CSMD1: variants seen among roughly 807,000 people sequenced by gnomAD.
CSMD1 encodes the protein CUB and sushi domain-containing protein 1.
CSMD1 carries 213 observed loss-of-function variants against 417.5 expected under a neutral mutation model. The observed-to-expected ratio is 0.51, with a 90% CI of 0.46 to 0.57. CSMD1 has a LOEUF of 0.57. Among genes scored for constraint, CSMD1 ranks in the 20% least tolerant of loss-of-function variants. The probability of loss-of-function intolerance (pLI) is 0.00; values close to 1 mark genes in which losing one functional copy is unlikely to be tolerated. For missense variants in CSMD1, 6,923 were observed against 4,529.7 expected (o/e 1.53, Z -15.17); for synonymous variants, 2,862 against 1,736.8 (o/e 1.65, Z -16.11).
intron 2 of CSMD1, among the ~76,000 whole-genome samples, chr8:4,594,811 C>A (rs888729897): frequency 6.6e-6 from 1 of 152,086 alleles, no homozygotes; most frequent in Non-Finnish European, 1.5e-5. Flanking sequence ...TCTGATGTTA[C>A]CCCCACCTTA....
chr8:4,710,589 T>G (rs1808223298), intron 1 of CSMD1, among the ~76,000 whole-genome samples: 1 of 151,182 alleles, frequency 6.6e-6, no homozygotes, highest in African/African-American at 2.4e-5. Flanking sequence ...CTCACGCTTG[T>G]GATCCCAGCA....
chr8:4,175,090 A>G (rs555183858), intron 3 of CSMD1, among the ~76,000 whole-genome samples: 35 of 151,986 alleles, frequency 2.3e-4, no homozygotes, highest in African/African-American at 8.5e-4. Flanking sequence ...TTGCACTTTC[A>G]TAGACAAATT....
chr8:4,339,646 C>T (rs1425012191), intron 3 of CSMD1, among the ~76,000 whole-genome samples: 2 of 152,072 alleles, frequency 1.3e-5, no homozygotes, highest in East Asian at 3.9e-4. Context: ...AAACATTCAT[C>T]AGATGATTCA....
intron 1 of CSMD1, among the ~76,000 whole-genome samples, chr8:4,841,575 C>T (rs965961373): frequency 6.6e-6 from 1 of 152,084 alleles, no homozygotes; most frequent in Non-Finnish European, 1.5e-5. Context: ...GAAACCATTA[C>T]GCTGAAATAT....
At chr8:3,946,085 T>A (rs1304763088) in intron 5 of CSMD1, among the ~76,000 whole-genome samples, 1 of 152,188 alleles carries the variant, frequency 6.6e-6, no homozygotes, top group African/African-American at 2.4e-5. Flanking sequence ...AATGGTGATC[T>A]GTGGAGGACT....
chr8:3,998,504 C>T (rs544108304), intron 4 of CSMD1, among the ~76,000 whole-genome samples: 2 of 152,238 alleles, frequency 1.3e-5, no homozygotes, highest in African/African-American at 4.8e-5. Flanking sequence ...TTCATGGATA[C>T]CTGGCTTTGA....
At chr8:4,385,724 A>G (rs1374751445) in intron 3 of CSMD1, among the ~76,000 whole-genome samples, 1 of 152,158 alleles carries the variant, frequency 6.6e-6, no homozygotes, top group South Asian at 2.1e-4. Flanking sequence ...AATTCAACCC[A>G]TACGTTGAAA....
chr8:3,571,644 G>A (rs752540197), intron 10 of CSMD1, among the ~76,000 whole-genome samples: 1 of 151,978 alleles, frequency 6.6e-6, no homozygotes, highest in Non-Finnish European at 1.5e-5. Flanking sequence ...AAGGGAATCC[G>A]GTGTTCTGCG....
At chr8:4,692,748 T>G (rs926429307) in intron 1 of CSMD1, among the ~76,000 whole-genome samples, 1 of 152,204 alleles carries the variant, frequency 6.6e-6, no homozygotes, top group Non-Finnish European at 1.5e-5. Context: ...TGATCTCACA[T>G]CATGCCTAAT....
At chr8:3,332,588 A>C (rs970794417) in intron 23 of CSMD1, among the ~76,000 whole-genome samples, 20 of 152,260 alleles carry the variant, frequency 1.3e-4, no homozygotes, top group African/African-American at 4.8e-4. Context: ...TATTTCCTGA[A>C]ACTTTAAAAG....
intron 5 of CSMD1, among the ~76,000 whole-genome samples, chr8:3,955,579 T>C (rs867589201): frequency 5.5e-4 from 84 of 152,258 alleles, no homozygotes; most frequent in African/African-American, 1.9e-3. Context: ...CCATAGGAGA[T>C]TGGTGCTACC....
chr8:3,256,423 A>G (rs535882357), intron 26 of CSMD1, among the ~76,000 whole-genome samples: 74 of 152,242 alleles, frequency 4.9e-4, no homozygotes, highest in African/African-American at 1.7e-3. Context: ...TGTTGCAGCC[A>G]TCCCGAAATA....
chr8:3,913,032 G>C (rs1293275156), intron 5 of CSMD1, among the ~76,000 whole-genome samples: 6 of 152,136 alleles, frequency 3.9e-5, no homozygotes, highest in African/African-American at 1.2e-4. Context: ...GGCGTGGAGA[G>C]AATCGTGACT....
intron 3 of CSMD1, among the ~76,000 whole-genome samples, chr8:4,269,761 A>G (rs185493295): frequency 3.3e-5 from 5 of 152,344 alleles, no homozygotes; most frequent in Admixed American, 2.0e-4. Context: ...GCAAAATTAC[A>G]TCTTCATAAA....
chr8:3,670,419 A>T (rs1382942547), intron 7 of CSMD1, among the ~76,000 whole-genome samples: 1 of 150,982 alleles, frequency 6.6e-6, no homozygotes, highest in African/African-American at 2.4e-5. Context: ...ATGTGAGTTA[A>T]AACCTAATAA....
At chr8:3,739,588 G>C (rs1467524572) in intron 6 of CSMD1, among the ~76,000 whole-genome samples, 3 of 152,238 alleles carry the variant, frequency 2.0e-5, no homozygotes, top group East Asian at 1.9e-4. Context: ...TTAAGTTTTT[G>C]AAAACTAACA....
At chr8:3,051,155 C>G (rs1195742259) in intron 50 of CSMD1, among the ~76,000 whole-genome samples, 1 of 152,162 alleles carries the variant, frequency 6.6e-6, no homozygotes, top group Non-Finnish European at 1.5e-5. Context: ...CATGTATGTT[C>G]ACTGCAGCGC....
At chr8:3,115,699 T>G (rs908198027) in intron 42 of CSMD1, among the ~76,000 whole-genome samples, 1 of 152,240 alleles carries the variant, frequency 6.6e-6, no homozygotes, top group African/African-American at 2.4e-5. Flanking sequence ...AAGTAGATTC[T>G]TATGCAGCTT....
At chr8:3,386,194 A>T (rs534013285) in intron 18 of CSMD1, among the ~76,000 whole-genome samples, 2 of 152,348 alleles carry the variant, frequency 1.3e-5, no homozygotes, top group Admixed American at 1.3e-4. Context: ...TGCACAAAAA[A>T]GGAACCCTTT....
Sources: gnomAD v4.1 joint callset for allele counts (sites outside exome capture counted in the v4.1 genomes callset) on GRCh38, gnomAD v4.1.1 for gene constraint, MANE v1.5 for transcripts, NCBI Gene and HGNC (gene_info 2026-07-23, HGNC 2026-07-21) for gene names.